The following MINDY2 variants were observed in gnomAD, a reference collection of about 807,000 sequenced individuals.
The protein encoded by MINDY2 is ubiquitin carboxyl-terminal hydrolase MINDY-2.
In MINDY2, 52 loss-of-function variants were observed where a neutral mutation model predicts 68.2. The observed-to-expected ratio is 0.76, with a 90% CI of 0.61 to 0.96. The LOEUF (loss-of-function observed/expected upper bound fraction) is 0.96. Ranked by LOEUF, MINDY2 falls within the 40% of genes least tolerant of loss-of-function variation. The pLI, the probability that MINDY2 is intolerant of heterozygous loss-of-function variation, is 0.00. For missense variants in MINDY2, 881 were observed against 773.4 expected, an observed-to-expected ratio of 1.14 and a Z score of -1.65; for synonymous variants, 372 against 303.0, an observed-to-expected ratio of 1.23 and a Z score of -2.36.
chr15:58,813,460 C>G (rs556709226), intron 4 of MINDY2, among the ~76,000 whole-genome samples: 1 of 152,236 alleles, frequency 6.6e-6, no homozygotes, highest in Admixed American at 6.5e-5. Context: ...CGTGCCACTT[C>G]TCTCCAGCCT....
At chr15:58,834,590 A>G (rs1314457527) in intron 6 of MINDY2, among the ~76,000 whole-genome samples, 1 of 152,284 alleles carries the variant, frequency 6.6e-6, no homozygotes, top group African/African-American at 2.4e-5. Flanking sequence ...ATGTGCAGCT[A>G]AGGCAGAGTA....
chr15:58,784,069 T>C (rs1329319704), intron 1 of MINDY2, among the ~76,000 whole-genome samples: 1 of 152,156 alleles, frequency 6.6e-6, no homozygotes, highest in Non-Finnish European at 1.5e-5. Context: ...CTCACACCTG[T>C]AATACCAGCA....
At chr15:58,788,062 T>C in intron 2 of MINDY2, 99 bp downstream of exon 2, 1 of 747,908 alleles carries the variant, frequency 1.3e-6, no homozygotes, top group Non-Finnish European at 2.1e-6. Flanking sequence ...TATTATATAA[T>C]CTATTTTAAA....
chr15:58,779,199 T>G (rs1244000845), intron 1 of MINDY2, among the ~76,000 whole-genome samples: 1 of 152,174 alleles, frequency 6.6e-6, no homozygotes, highest in African/African-American at 2.4e-5. Context: ...CCAACCCTAA[T>G]TTCTTAATTT....
intron 5 of MINDY2, among the ~76,000 whole-genome samples, chr15:58,826,024 G>A (rs1049857013): frequency 3.9e-5 from 6 of 152,058 alleles, no homozygotes; most frequent in Non-Finnish European, 8.8e-5. Flanking sequence ...CATAGACACT[G>A]AACATTATAG....
intron 5 of MINDY2, among the ~76,000 whole-genome samples, chr15:58,827,613 G>T (rs1352186051): frequency 6.6e-6 from 1 of 151,992 alleles, no homozygotes; most frequent in Non-Finnish European, 1.5e-5. Flanking sequence ...ACAGGCGCCC[G>T]CCACCACGGC....
intron 2 of MINDY2, among the ~76,000 whole-genome samples, chr15:58,793,657 A>G (rs1902084059): frequency 6.6e-6 from 1 of 152,204 alleles, no homozygotes. Flanking sequence ...TACAAATAGA[A>G]AAATTAGCCT....
chr15:58,853,320 C>T (rs1439550232), intron 8 of MINDY2, among the ~76,000 whole-genome samples: 1 of 151,950 alleles, frequency 6.6e-6, no homozygotes, highest in Non-Finnish European at 1.5e-5. Flanking sequence ...GCAAGATGCC[C>T]TTTTAAGTCT....
chr15:58,851,638 G>A (rs2032817772), intron 7 of MINDY2, 133 bp from the exon 8 acceptor site: 2 of 667,348 alleles, frequency 3.0e-6, no homozygotes, highest in Non-Finnish European at 4.8e-6. Context: ...ACAGGGTCTT[G>A]CTATATTGCC....
At chr15:58,806,388 C>T (rs183161336) in intron 3 of MINDY2, among the ~76,000 whole-genome samples, 1 of 143,552 alleles carries the variant, frequency 7.0e-6, no homozygotes, top group Non-Finnish European at 1.5e-5. Flanking sequence ...GACAGGGTCT[C>T]ACTCTGTCAC....
chr15:58,801,023 G>C (rs1902611255), intron 2 of MINDY2, among the ~76,000 whole-genome samples: 1 of 151,986 alleles, frequency 6.6e-6, no homozygotes, highest in Non-Finnish European at 1.5e-5. Context: ...ACCCAGGCTG[G>C]AGTACAGTGG....
rs920163446 is a variant in MINDY2 at position 58,857,528 on chromosome 15, C to T, written c.*2918C>T. ...AAGCCTGGGCAATAGAGCGAGACTC[C>T]GTCTCAAAAAAAAAAAAAAAAAAAA... On this transcript the variant is annotated 3_prime_UTR_variant, in exon 9 of 9. Transcript: ENST00000559228. 5 of 78,290 alleles carry T rather than the reference C, an allele frequency of 6.4e-5. No homozygotes were observed. The highest frequency in any genetic ancestry group is 4.8e-4 in the East Asian group (1 of 2,090). The allele number at this position is 78,290 out of a possible 1,614,324, so 4.8% of individuals were successfully genotyped here.
chr15:58,810,491 A>G, intron 4 of MINDY2, 103 bp downstream of exon 4: 1 of 1,194,522 alleles, frequency 8.4e-7, no homozygotes, highest in East Asian at 2.7e-5. Context: ...CTTTTTTTGT[A>G]CTTTTGCCTG....
At chr15:58,788,073 A>G (rs1008479789) in intron 2 of MINDY2, 110 bp downstream of exon 2, 10 of 686,428 alleles carry the variant, frequency 1.5e-5, no homozygotes, top group African/African-American at 1.3e-4. Flanking sequence ...CTATTTTAAA[A>G]TTATAGTTTT....
At chr15:58,830,702 G>A (rs1249026082) in intron 5 of MINDY2, among the ~76,000 whole-genome samples, 1 of 152,120 alleles carries the variant, frequency 6.6e-6, no homozygotes, top group East Asian at 1.9e-4. Flanking sequence ...CTTGGATGCT[G>A]TTTGAAACAG....
At chr15:58,811,982 A>G (rs139471307) in intron 4 of MINDY2, among the ~76,000 whole-genome samples, 3 of 152,370 alleles carry the variant, frequency 2.0e-5, no homozygotes, top group East Asian at 3.9e-4. Flanking sequence ...TCAAAATAAT[A>G]TTAGTTAATT....
At chr15:58,809,054 T>C (rs1034948358) in intron 3 of MINDY2, among the ~76,000 whole-genome samples, 2 of 152,102 alleles carry the variant, frequency 1.3e-5, no homozygotes, top group Admixed American at 6.5e-5. Flanking sequence ...CTACAAAATA[T>C]CAAAAACATT....
rs1471120471 is a variant in MINDY2 at position 58,771,409 on chromosome 15, C to T, written c.14C>T (p.Pro5Leu). Reference sequence around the variant, plus strand: ...GGGCGGCCCGGTATGGAGAGCAGCCCCGAGAGCCTGCAGCCGCTAGAACAC... The same window carrying T: ...GGGCGGCCCGGTATGGAGAGCAGCCTCGAGAGCCTGCAGCCGCTAGAACAC... MESS[P>L]ESLQPLEHGV... The change falls in exon 1 of 9, where the codon CCC becomes CTC. Residue 5 changes from proline to leucine, a missense_variant. By Grantham distance (98) the Pro-to-Leu change is moderately conservative. Transcript: ENST00000559228. 1 of 1,610,048 alleles carries T rather than the reference C, an allele frequency of 6.2e-7. No individual in the cohort carries two copies. The highest frequency in any genetic ancestry group is 8.5e-7 in the Non-Finnish European group (1 of 1,178,990).
intron 3 of MINDY2, among the ~76,000 whole-genome samples, chr15:58,808,290 A>G (rs1449657157): frequency 1.3e-5 from 2 of 152,214 alleles, no homozygotes. Flanking sequence ...TGAAAAATGT[A>G]TAATGTCACG....
Sources: gnomAD v4.1 joint callset for allele counts (sites outside exome capture counted in the v4.1 genomes callset) on GRCh38, gnomAD v4.1.1 for gene constraint, MANE v1.5 for transcripts, NCBI Gene and HGNC (gene_info 2026-07-23, HGNC 2026-07-21) for gene names.